The following DNAJC21 variants were observed in gnomAD, a reference collection of about 807,000 sequenced individuals.
DNAJC21 encodes the protein dnaJ homolog subfamily C member 21.
Under a neutral mutation model 72.4 loss-of-function variants are expected in DNAJC21, and 63 were observed. That is an observed-to-expected ratio of 0.87 (90% confidence interval 0.71 to 1.07). The LOEUF is 1.07. Among genes scored for constraint, DNAJC21 ranks in the 50% least tolerant of loss-of-function variants. The pLI, the probability that DNAJC21 is intolerant of heterozygous loss-of-function variation, is 0.00. For missense variants in DNAJC21, 634 were observed against 644.8 expected, an observed-to-expected ratio of 0.98 and a Z score of 0.18; for synonymous variants, 203 against 216.7, an observed-to-expected ratio of 0.94 and a Z score of 0.56.
In DNAJC21 at chr5:34,954,729, C is replaced by T; in HGVS notation, c.*15C>T. ...AAAACAGATAGAGATTCTGCCTGTG[C>T]TTTTGTTTGACTGTCTCTAGATTTT... On this transcript the variant is annotated 3_prime_UTR_variant, in exon 12 of 12. Transcript: ENST00000648817. 4 of 1,554,226 alleles carry T rather than the reference C, an allele frequency of 2.6e-6. No homozygotes were observed. In the East Asian group the frequency reaches 7.1e-5, roughly 28 times the overall value.
intron 4 of DNAJC21, among the ~76,000 whole-genome samples, chr5:34,936,558 C>T (rs79747124): frequency 6.6e-6 from 1 of 152,100 alleles, no homozygotes; most frequent in African/African-American, 2.4e-5. Flanking sequence ...GGCCTCCCTC[C>T]TTGGCCTCCC....
chr5:34,937,072 G>T (rs1451438259), intron 4 of DNAJC21, among the ~76,000 whole-genome samples: 2 of 152,120 alleles, frequency 1.3e-5, no homozygotes, highest in African/African-American at 2.4e-5. Context: ...TTTACTAATT[G>T]TTTACTGATT....
At chr5:34,938,714 T>G (rs1764879444) in intron 5 of DNAJC21, 144 bp from the exon 6 acceptor site, 1 of 869,178 alleles carries the variant, frequency 1.2e-6, no homozygotes, top group African/African-American at 1.7e-5. Flanking sequence ...TGCCTTGGTT[T>G]TAACTAAGCA....
At chr5:34,950,120 G>T in intron 9 of DNAJC21, 50 bp from the exon 10 acceptor site, 1 of 1,527,756 alleles carries the variant, frequency 6.5e-7, no homozygotes, top group Non-Finnish European at 8.8e-7. Flanking sequence ...TAAAAAGCTA[G>T]TAGTAGTATT....
At chr5:34,937,039 C>T (rs920777687) in intron 4 of DNAJC21, among the ~76,000 whole-genome samples, 3 of 152,204 alleles carry the variant, frequency 2.0e-5, no homozygotes, top group East Asian at 1.9e-4. Context: ...GCGTGAGCCA[C>T]CATGCCTACT....
Position 34,958,289 on chromosome 5 carries a change from C to G in DNAJC21, c.*3575C>G, listed in dbSNP as rs1281761734. On this transcript the variant is annotated 3_prime_UTR_variant, in exon 12 of 12. Transcript: ENST00000648817. ...GTGTGTGGCTGGTGCCAGTAGAGGT[C>G]AGTCAAGGGATCCCTGACGAGAATA... 1 of 152,178 alleles carries G rather than the reference C, an allele frequency of 6.6e-6. No homozygotes were observed. Among genetic ancestry groups the G allele is most frequent in the Non-Finnish European group, 1.5e-5 (1 of 68,042 alleles). 9.4% of individuals were successfully genotyped at this position (152,178 alleles called of 1,614,324 possible).
intron 10 of DNAJC21, among the ~76,000 whole-genome samples, chr5:34,953,059 A>C (rs1765429135): frequency 6.6e-6 from 1 of 152,056 alleles, no homozygotes; most frequent in Admixed American, 6.5e-5. Flanking sequence ...CTGAAGCAGG[A>C]AAATCGCTTG....
Position 34,954,955 on chromosome 5 carries a change from T to G in DNAJC21, c.*241T>G. On this transcript the variant is annotated 3_prime_UTR_variant, in exon 12 of 12. Coordinates refer to ENST00000648817, the MANE Select transcript of DNAJC21 (RefSeq NM_001012339.3). ...AATGTCTTAAAACAGGTAAATACTG[T>G]AAAGTGTGTATTCTTGATGTTTATT... 1 of 327,080 alleles carries G rather than the reference T, an allele frequency of 3.1e-6. No homozygotes were observed. 20.3% of individuals were successfully genotyped at this position (327,080 alleles called of 1,614,324 possible). A position where few individuals can be genotyped will look rare whatever the true frequency, so the allele number is the denominator to read the frequency against.
intron 6 of DNAJC21, among the ~76,000 whole-genome samples, chr5:34,940,628 C>T (rs1430221057): frequency 6.6e-6 from 1 of 152,100 alleles, no homozygotes; most frequent in Non-Finnish European, 1.5e-5. Context: ...TAATGTTAAA[C>T]TTTACATGTA....
At chr5:34,951,634 T>C in intron 10 of DNAJC21, 1 of 894,814 alleles carries the variant, frequency 1.1e-6, no homozygotes, top group African/African-American at 1.8e-5. Flanking sequence ...TTCAAGCAAT[T>C]CTCCTGCCTC....
intron 9 of DNAJC21, among the ~76,000 whole-genome samples, chr5:34,948,876 T>C (rs1392175358): frequency 1.3e-5 from 2 of 149,512 alleles, no homozygotes; most frequent in Non-Finnish European, 3.0e-5. Context: ...AAAAAAAAAG[T>C]TGGAGAAAGG....
intron 9 of DNAJC21, among the ~76,000 whole-genome samples, chr5:34,948,236 C>G (rs1254737628): frequency 6.6e-6 from 1 of 152,112 alleles, no homozygotes; most frequent in Non-Finnish European, 1.5e-5. Flanking sequence ...TTGTGAGGAC[C>G]TAGAAGCAGT....
At chr5:34,934,907 A>G (rs1177796259) in intron 2 of DNAJC21, among the ~76,000 whole-genome samples, 1 of 152,222 alleles carries the variant, frequency 6.6e-6, no homozygotes, top group Admixed American at 6.5e-5. Context: ...TTCTCTACTC[A>G]AGGAATTTGG....
In DNAJC21 at chr5:34,936,239, T is replaced by C; in HGVS notation, c.411T>C (p.Phe137=). 1 of 1,614,048 alleles carries C rather than the reference T, an allele frequency of 6.2e-7. No homozygotes were observed. Among genetic ancestry groups the C allele is most frequent in the Non-Finnish European group, 8.5e-7 (1 of 1,179,966 alleles). ...AAGAGGTTGATGATTTCCCAACTTT[T>C]GGAGACTCCCAGAGTGACTATGATA... ...LEEEVDDFPT[F]GDSQSDYDTV... is the part of the protein sequence containing the mutation. Residue 137 remains phenylalanine, a synonymous_variant, in exon 4 of 12, where the codon TTT becomes TTC. Coordinates refer to ENST00000648817, the MANE Select transcript of DNAJC21 (RefSeq NM_001012339.3).
intron 10 of DNAJC21, chr5:34,950,849 C>T (rs1765340635): frequency 1.0e-6 from 1 of 985,618 alleles, no homozygotes; most frequent in African/African-American, 1.7e-5. Context: ...GGAGGTCTCA[C>T]CCAAGGGAGG....
chr5:34,945,166 C>G (rs1765132530), intron 8 of DNAJC21, 141 bp downstream of exon 8: 2 of 1,004,002 alleles, frequency 2.0e-6, no homozygotes, highest in South Asian at 3.2e-5. Context: ...CAACCTCCAA[C>G]TTGTGGGTTC....
chr5:34,950,103 C>T, intron 9 of DNAJC21, 67 bp from the exon 10 acceptor site: 6 of 1,491,060 alleles, frequency 4.0e-6, no homozygotes, highest in East Asian at 4.6e-5. Flanking sequence ...TATTTGGCAA[C>T]ATAACATAAA....
chr5:34,937,235 A>G, intron 4 of DNAJC21, 91 bp from the exon 5 acceptor site: 1 of 1,324,930 alleles, frequency 7.5e-7, no homozygotes, highest in Non-Finnish European at 1.0e-6. Flanking sequence ...GAAAAAAGAA[A>G]GGTAAAAGAT....
At chr5:34,943,614 A>G (rs1765073033) in intron 7 of DNAJC21, among the ~76,000 whole-genome samples, 1 of 152,242 alleles carries the variant, frequency 6.6e-6, no homozygotes, top group African/African-American at 2.4e-5. Flanking sequence ...CTATGCAGAT[A>G]TCTTGCTTCT....
Sources: allele counts gnomAD v4.1 joint callset (sites outside exome capture counted in the v4.1 genomes callset), GRCh38; gene constraint gnomAD v4.1.1; transcripts MANE v1.5; gene names NCBI Gene and HGNC (gene_info 2026-07-23, HGNC 2026-07-21).